Variants in AGBL4 observed in about 807,000 individuals in gnomAD.
The protein encoded by AGBL4 is cytosolic carboxypeptidase 6.
AGBL4 carries 58 observed loss-of-function variants against 66.4 expected under a neutral mutation model. That is an observed-to-expected ratio of 0.87 (90% CI 0.71 to 1.09). The LOEUF is 1.09. Ranked by LOEUF, AGBL4 falls within the 50% of genes least tolerant of loss-of-function variation. AGBL4 has a pLI of 0.00. For missense variants in AGBL4, 579 were observed against 631.0 expected (o/e 0.92, Z 0.88); for synonymous variants, 234 against 222.9 (o/e 1.05, Z -0.44).
chr1:49,025,125 A>T lies in AGBL4; in HGVS notation c.594+20459T>A, dbSNP rs146774015. Among the ~76,000 whole-genome samples, 1,123 of 152,316 alleles carry T rather than the reference A, an allele frequency of 7.4e-3. 39 individuals carry two copies. The highest frequency in any genetic ancestry group is 0.055 in the Admixed American group (842 of 15,296). On this transcript the variant is annotated intron_variant, in intron 5 of 13. Transcript: ENST00000371839. ...CCACACTATACTAACTTATGCACCTAATTTCTTTCTTACTGCCTTGAACGT... is the reference window on the plus strand; with the variant it reads ...CCACACTATACTAACTTATGCACCTTATTTCTTTCTTACTGCCTTGAACGT...
chr1:49,388,811 T>A (rs780087428), intron 3 of AGBL4, among the ~76,000 whole-genome samples: 1 of 152,150 alleles, frequency 6.6e-6, no homozygotes, highest in African/African-American at 2.4e-5. Context: ...ACCAGATGCA[T>A]TCGCACAGAA....
chr1:49,825,153 A>G (rs748348911), intron 2 of AGBL4, among the ~76,000 whole-genome samples: 7 of 152,186 alleles, frequency 4.6e-5, no homozygotes, highest in South Asian at 2.1e-4. Flanking sequence ...AACTGACTCT[A>G]TCTTCTTTAC....
chr1:48,829,661 G>T (rs1320633662), intron 6 of AGBL4, among the ~76,000 whole-genome samples: 1 of 151,998 alleles, frequency 6.6e-6, no homozygotes. Flanking sequence ...CAGAAAATAG[G>T]GTAGTTGGAA....
At chr1:49,830,504 T>A (rs1645639208) in intron 2 of AGBL4, among the ~76,000 whole-genome samples, 1 of 152,228 alleles carries the variant, frequency 6.6e-6, no homozygotes, top group African/African-American at 2.4e-5. Flanking sequence ...ATTCTGGATA[T>A]TAGCCCTTTA....
At chr1:48,980,297 G>A (rs370662293) in intron 5 of AGBL4, among the ~76,000 whole-genome samples, 1 of 152,114 alleles carries the variant, frequency 6.6e-6, no homozygotes, top group Non-Finnish European at 1.5e-5. Context: ...ATTTAGTACA[G>A]GTCCTGAATG....
chr1:49,633,262 T>C (rs928157104), intron 3 of AGBL4, among the ~76,000 whole-genome samples: 1 of 152,222 alleles, frequency 6.6e-6, no homozygotes, highest in Non-Finnish European at 1.5e-5. Context: ...ACTTATTTTA[T>C]ATTCATACAT....
chr1:49,430,192 A>G (rs962860213), intron 3 of AGBL4, among the ~76,000 whole-genome samples: 4 of 152,000 alleles, frequency 2.6e-5, no homozygotes, highest in Admixed American at 2.0e-4. Flanking sequence ...TACTTCTCAA[A>G]TGGAGCTCCA....
chr1:48,658,155 C>T (rs1423094470), intron 7 of AGBL4, among the ~76,000 whole-genome samples: 1 of 152,196 alleles, frequency 6.6e-6, no homozygotes, highest in African/African-American at 2.4e-5. Flanking sequence ...TTGCTGAGTG[C>T]CTCACAAGAA....
chr1:49,369,936 G>T (rs942841516), intron 3 of AGBL4, among the ~76,000 whole-genome samples: 2 of 151,466 alleles, frequency 1.3e-5, no homozygotes, highest in East Asian at 1.9e-4. Flanking sequence ...TCAGTCAAAG[G>T]CTTAAATAGA....
chr1:49,791,258 T>C (rs2147928538), intron 2 of AGBL4, among the ~76,000 whole-genome samples: 1 of 152,202 alleles, frequency 6.6e-6, no homozygotes, highest in Non-Finnish European at 1.5e-5. Context: ...AATAGAGGTA[T>C]AGCTAAGAAG....
chr1:48,597,627 A>G (rs1645013248), intron 9 of AGBL4, among the ~76,000 whole-genome samples: 1 of 148,010 alleles, frequency 6.8e-6, no homozygotes, highest in Non-Finnish European at 1.5e-5. Context: ...AAGGAAATGG[A>G]GATAAAGATT....
chr1:48,843,338 T>C (rs2148798901), intron 6 of AGBL4, among the ~76,000 whole-genome samples: 2 of 152,304 alleles, frequency 1.3e-5, no homozygotes, highest in South Asian at 4.1e-4. Flanking sequence ...CTAGAGCTTA[T>C]ATAAATTTCT....
chr1:49,737,457 C>A (rs1649992145), intron 2 of AGBL4, among the ~76,000 whole-genome samples: 1 of 152,090 alleles, frequency 6.6e-6, no homozygotes, highest in Non-Finnish European at 1.5e-5. Flanking sequence ...GTATTTTTCA[C>A]TTATAAGTGG....
At chr1:49,527,271 A>G (rs1360436226) in intron 3 of AGBL4, 1 of 152,002 alleles carries the variant, frequency 6.6e-6, no homozygotes, top group East Asian at 1.9e-4. Flanking sequence ...AGTGGCAGGT[A>G]CCGGAGACCT....
intron 5 of AGBL4, among the ~76,000 whole-genome samples, chr1:48,875,576 T>G (rs1457043039): frequency 2.6e-5 from 4 of 152,150 alleles, no homozygotes. Flanking sequence ...TAACTCTCTT[T>G]TATTGGAAAA....
intron 3 of AGBL4, among the ~76,000 whole-genome samples, chr1:49,650,108 T>C (rs556675996): frequency 6.6e-6 from 1 of 152,218 alleles, no homozygotes; most frequent in African/African-American, 2.4e-5. Flanking sequence ...AGCAGAAGAG[T>C]TTCCTTGTTC....
chr1:48,620,270 G>A (rs769276058), intron 9 of AGBL4, among the ~76,000 whole-genome samples: 2 of 152,006 alleles, frequency 1.3e-5, no homozygotes, highest in Non-Finnish European at 2.9e-5. Context: ...ATTTATTTAC[G>A]TATTTAAATA....
At chr1:49,921,738 C>G (rs1278420960) in intron 1 of AGBL4, among the ~76,000 whole-genome samples, 1 of 152,176 alleles carries the variant, frequency 6.6e-6, no homozygotes, top group African/African-American at 2.4e-5. Flanking sequence ...AAGAAGGAAG[C>G]ATCCAGCATG....
intron 6 of AGBL4, among the ~76,000 whole-genome samples, chr1:48,851,278 C>T (rs1338706363): frequency 1.3e-5 from 2 of 152,150 alleles, no homozygotes; most frequent in Non-Finnish European, 2.9e-5. Flanking sequence ...GGTTGCCCCT[C>T]CTCTGCATCT....
Sources: gnomAD v4.1 joint callset for allele counts (sites outside exome capture counted in the v4.1 genomes callset) on GRCh38, gnomAD v4.1.1 for gene constraint, MANE v1.5 for transcripts, NCBI Gene and HGNC (gene_info 2026-07-23, HGNC 2026-07-21) for gene names.